PDE4DIP: variants seen among roughly 807,000 people sequenced by gnomAD.
PDE4DIP encodes phosphodiesterase 4D interacting protein.
In PDE4DIP, 59 loss-of-function variants were observed where a neutral mutation model predicts 221.4. The observed-to-expected ratio is 0.27, with a 90% CI of 0.22 to 0.33. The LOEUF (loss-of-function observed/expected upper bound fraction) is 0.33, where lower values mean the gene tolerates loss of function less well. Ranked by LOEUF, PDE4DIP falls within the 10% of genes least tolerant of loss-of-function variation. The pLI, the probability that PDE4DIP is intolerant of heterozygous loss-of-function variation, is 1.00. For missense variants in PDE4DIP, 1,036 were observed against 2,154.2 expected (o/e 0.48, Z 10.28); for synonymous variants, 404 against 815.9 (o/e 0.50, Z 8.60).
intron 1 of PDE4DIP, among the ~76,000 whole-genome samples, chr1:148,829,136 A>T (rs1553367491): frequency 1.4e-5 from 2 of 143,464 alleles, no homozygotes; most frequent in African/African-American, 2.5e-5. Flanking sequence ...GCAAGTGAGG[A>T]AATCCACTTA....
At chr1:148,917,153 T>A (rs587756742) in intron 1 of PDE4DIP, among the ~76,000 whole-genome samples, 1 of 151,200 alleles carries the variant, frequency 6.6e-6, no homozygotes, top group Non-Finnish European at 1.5e-5. Context: ...GTGTATGTTT[T>A]CTCACTGGCC....
intron 17 of PDE4DIP, among the ~76,000 whole-genome samples, chr1:148,975,261 T>C (rs1408271431): frequency 4.1e-5 from 6 of 147,612 alleles, no homozygotes; most frequent in South Asian, 2.2e-4. Context: ...TGACATTAGA[T>C]CCGTGAAATT....
intron 5 of PDE4DIP, chr1:148,941,695 C>T (rs2050578555): frequency 7.5e-6 from 1 of 134,102 alleles, no homozygotes; most frequent in Non-Finnish European, 1.6e-5. Flanking sequence ...TTGTCTCTCC[C>T]CTCTGCATAG....
In PDE4DIP at chr1:149,014,549, G is replaced by A. The variant is rs1417288033; in HGVS notation, c.5267-1750G>A. ...TTGTCTTTGCCCAAACGGAAGGATG[G>A]AAGGAGAGCACTGTCCATGAAAAAG... On this transcript the variant is annotated intron_variant, in intron 32 of 43. Transcript: ENST00000369354. Among the ~76,000 whole-genome samples the A allele has an allele frequency of 5.7e-5, 3 of 52,864 alleles. No individual in the cohort carries two copies. In the South Asian group the frequency reaches 2.1e-3, roughly 37 times the overall value. The allele number at this position is 52,864 out of a possible 152,430, so 34.7% of individuals were successfully genotyped here. A position where few individuals can be genotyped will look rare whatever the true frequency, so the allele number is the denominator to read the frequency against.
chr1:148,893,065 CTGTGTGTG>C (rs60364665), intron 1 of PDE4DIP, among the ~76,000 whole-genome samples: 169 of 77,696 alleles, frequency 2.2e-3, no homozygotes, highest in East Asian at 0.018. Flanking sequence ...ATGTGTGTGT[CTGTGTGTG>C]TGTGTGTGTG....
intron 1 of PDE4DIP, among the ~76,000 whole-genome samples, chr1:148,823,354 GA>G (rs1306063687): frequency 8.2e-5 from 11 of 133,982 alleles, no homozygotes; most frequent in Non-Finnish European, 1.6e-4. Flanking sequence ...AAAAGCATCA[GA>G]AAGCTCCATA....
Position 149,017,734 on chromosome 1 carries a change from T to C in PDE4DIP, c.5519-14T>C, listed in dbSNP as rs879990494. 4.7e-6 allele frequency: 7 copies of C among 1,495,590 alleles called. No homozygotes were observed. The South Asian group carries it at 6.9e-5, about 15-fold the overall frequency. The allele number at this position is 1,495,590 out of a possible 1,614,324, so 92.6% of individuals were successfully genotyped here. On this transcript the variant is annotated splice_polypyrimidine_tract_variant and intron_variant, in intron 33 of 43. Transcript: ENST00000369354. ...TCTCCCACCTCTCTTCATGTCCTGGTGGTTTGGCCGCAGGGGCTGACCTGC... is the reference window on the plus strand; with the variant it reads ...TCTCCCACCTCTCTTCATGTCCTGGCGGTTTGGCCGCAGGGGCTGACCTGC...
chr1:149,023,450 G>A (rs2073775521), intron 37 of PDE4DIP, among the ~76,000 whole-genome samples: 1 of 146,178 alleles, frequency 6.8e-6, no homozygotes, highest in Admixed American at 6.9e-5. Flanking sequence ...TTCAGATAAG[G>A]GATTGTAGCC....
chr1:148,946,149 A>G (rs1431147654), intron 5 of PDE4DIP, among the ~76,000 whole-genome samples: 1 of 152,080 alleles, frequency 6.6e-6, no homozygotes, highest in East Asian at 1.9e-4. Flanking sequence ...TTAGAATTTC[A>G]TAAAAGTCTA....
chr1:148,989,754 G>C (rs1169394428), intron 21 of PDE4DIP, among the ~76,000 whole-genome samples: 15 of 152,154 alleles, frequency 9.9e-5, no homozygotes, highest in Non-Finnish European at 1.6e-4. Context: ...TCCTTTGCTG[G>C]AAAAACATAA....
At chr1:148,997,126 A>G (rs587615612) in intron 22 of PDE4DIP, among the ~76,000 whole-genome samples, 2 of 151,916 alleles carry the variant, frequency 1.3e-5, no homozygotes, top group Non-Finnish European at 2.9e-5. Flanking sequence ...ACATTGGGAC[A>G]TATTAAGATT....
chr1:149,024,307 T>C, intron 37 of PDE4DIP, 138 bp from the exon 41 acceptor site: 1 of 793,900 alleles, frequency 1.3e-6, no homozygotes, highest in Non-Finnish European at 2.0e-6. Context: ...ACAGAAATGG[T>C]GACATCTCCA....
intron 1 of PDE4DIP, among the ~76,000 whole-genome samples, chr1:148,861,466 C>T (rs2596288): frequency 6.8e-5 from 2 of 29,410 alleles, no homozygotes; most frequent in Admixed American, 3.1e-4. Context: ...CGGAGAAACC[C>T]CGCCTCTACT....
rs782224639 is a variant in PDE4DIP, at chr1:148,962,420, C to T, written c.982-8C>T. On this transcript the variant is annotated splice_polypyrimidine_tract_variant and splice_region_variant and intron_variant, in intron 8 of 43. Transcript: ENST00000369354. The stretch of plus-strand genomic sequence containing the variant: ...TCCTTGTGATTGTGATTTCTACTCT[C>T]TTTTCAGAGCTCAGAGGGTACTTCT... 4.2e-6 allele frequency: 3 copies of T among 706,426 alleles called. No individual in the cohort carries two copies. The Admixed American group carries it at 8.0e-5, about 19-fold the overall frequency. 43.8% of individuals were successfully genotyped at this position (706,426 alleles called of 1,614,324 possible). A position where few individuals can be genotyped will look rare whatever the true frequency, so the allele number is the denominator to read the frequency against.
Position 149,031,850 on chromosome 1 carries a change from T to C in PDE4DIP, c.7000-94T>C. On this transcript the variant is annotated intron_variant, in intron 43 of 43. Coordinates refer to ENST00000369354, the Ensembl canonical transcript of PDE4DIP. ...ACTGGCTCTCACCGTGCTCCTGGCT[T>C]TGGTCACCACGTAGCTCTCACTCCA... 2.5e-6 allele frequency: 3 copies of C among 1,214,372 alleles called. No homozygotes were observed. In the East Asian group the frequency reaches 7.2e-5, roughly 29 times the overall value. The allele number at this position is 1,214,372 out of a possible 1,614,324, so 75.2% of individuals were successfully genotyped here.
chr1:149,005,291 C>T, exon 27 of PDE4DIP: 1 of 1,600,438 alleles, frequency 6.2e-7, no homozygotes, highest in Non-Finnish European at 8.6e-7. Context: ...TGTCTGATGG[C>T]ACTGGGGCTT....
Position 148,898,906 on chromosome 1 carries a change from A to C in PDE4DIP, c.141+9012A>C, listed in dbSNP as rs1448507952. Among the ~76,000 whole-genome samples, 6 of 111,192 alleles carry C rather than the reference A, an allele frequency of 5.4e-5. 1 individual carries two copies. Among genetic ancestry groups the C allele is most frequent in the Non-Finnish European group, 8.7e-5 (5 of 57,732 alleles). 72.9% of individuals were successfully genotyped at this position (111,192 alleles called of 152,430 possible). A position where few individuals can be genotyped will look rare whatever the true frequency, so the allele number is the denominator to read the frequency against. On this transcript the variant is annotated intron_variant, in intron 1 of 43. Transcript: ENST00000369354. The stretch of plus-strand genomic sequence containing the variant: ...GAGTGCAGTGGCATGATCTCGGCTC[A>C]CTGCAACCTCCGTCTCCTGGGCTCA...
chr1:149,012,852 G>C, intron 32 of PDE4DIP, 76 bp downstream of exon 35: 1 of 827,672 alleles, frequency 1.2e-6, no homozygotes, highest in Non-Finnish European at 1.8e-6. Flanking sequence ...GGGCTGGATG[G>C]CAGAGTTTAA....
intron 1 of PDE4DIP, among the ~76,000 whole-genome samples, chr1:148,915,141 TG>T (rs1553457293): frequency 6.7e-6 from 1 of 149,848 alleles, no homozygotes; most frequent in Non-Finnish European, 1.5e-5. Flanking sequence ...TTTTTTTGTT[TG>T]TTTGTTTGTT....
Sources: gnomAD v4.1 joint callset for allele counts (sites outside exome capture counted in the v4.1 genomes callset) on GRCh38, gnomAD v4.1.1 for gene constraint, MANE v1.5 for transcripts, NCBI Gene and HGNC (gene_info 2026-07-23, HGNC 2026-07-21) for gene names.